Variants in THADA observed in about 807,000 individuals in gnomAD.
The protein encoded by THADA is tRNA (32-2'-O)-methyltransferase regulator THADA.
In THADA, 213 loss-of-function variants were observed where a neutral mutation model predicts 219.8. The observed-to-expected ratio is 0.97, with a 90% CI of 0.87 to 1.09. THADA has a LOEUF of 1.09. THADA is among the 50% of genes least tolerant of loss of function. The pLI, the probability that THADA is intolerant of heterozygous loss-of-function variation, is 0.00. For missense variants in THADA, 2,956 were observed against 2,311.3 expected, an observed-to-expected ratio of 1.28 and a Z score of -5.72; for synonymous variants, 1,018 against 828.9, an observed-to-expected ratio of 1.23 and a Z score of -3.92.
rs144193705 is a variant in THADA at position 43,358,960 on chromosome 2, A to C, written c.4228-14723T>G. On this transcript the variant is annotated intron_variant, in intron 29 of 37. Transcript: ENST00000405975. Reference sequence around the variant, plus strand: ...CAAAGTGGCTGTTTATAAGGGAAAAAATGATTCCTCTAAGCCCCTAGGAAT... The same window carrying C: ...CAAAGTGGCTGTTTATAAGGGAAAACATGATTCCTCTAAGCCCCTAGGAAT... Among the ~76,000 whole-genome samples the C allele has an allele frequency of 5.6e-3, 847 of 152,312 alleles. 7 individuals carry two copies. Among genetic ancestry groups the C allele is most frequent in the African/African-American group, 0.019 (775 of 41,574 alleles).
chr2:43,349,763 A>T (rs186279391), intron 29 of THADA, among the ~76,000 whole-genome samples: 98 of 152,272 alleles, frequency 6.4e-4, no homozygotes, highest in African/African-American at 2.3e-3. Flanking sequence ...AATCATTAAA[A>T]ACCTCAAATT....
At chr2:43,363,117 T>C (rs1669716612) in intron 29 of THADA, among the ~76,000 whole-genome samples, 1 of 152,178 alleles carries the variant, frequency 6.6e-6, no homozygotes, top group East Asian at 1.9e-4. Context: ...ATGATAACAA[T>C]GCCTAAATCA....
At chr2:43,242,678 A>G (rs375178552) in intron 36 of THADA, among the ~76,000 whole-genome samples, 3 of 152,258 alleles carry the variant, frequency 2.0e-5, no homozygotes, top group Admixed American at 1.3e-4. Context: ...TGGTAGAGAC[A>G]GGGTTTCACC....
chr2:43,467,075 G>T (rs570832745), intron 26 of THADA, among the ~76,000 whole-genome samples: 17 of 150,754 alleles, frequency 1.1e-4, no homozygotes, highest in African/African-American at 3.7e-4. Context: ...CCAGCTACTC[G>T]GGAGGCTGAG....
chr2:43,495,482 G>A (rs1477926678), intron 25 of THADA, among the ~76,000 whole-genome samples: 1 of 152,056 alleles, frequency 6.6e-6, no homozygotes, highest in African/African-American at 2.4e-5. Flanking sequence ...TAAAAAAAGA[G>A]AAAGAAAATG....
Position 43,574,728 on chromosome 2 carries a change from C to T in THADA, c.1337G>A (p.Arg446Gln), listed in dbSNP as rs748153743. Residue 446 changes from arginine to glutamine, a missense_variant, in exon 11 of 38, where the codon CGA becomes CAA. Arg to Gln is a conservative substitution (Grantham distance 43). Coordinates refer to ENST00000405975, the MANE Select transcript of THADA (RefSeq NM_022065.5). ...CTTTCCTTTAATATGCCATTCCAAT[C>T]GTAAAAGACTCTCAGTCAATTCCAC... ...FFVELTESLL[R>Q]LEWHIKGKYT... 2.6e-5 allele frequency: 42 copies of T among 1,613,984 alleles called. No individual in the cohort carries two copies. The highest frequency in any genetic ancestry group is 8.3e-5 in the Admixed American group (5 of 60,016).
intron 19 of THADA, among the ~76,000 whole-genome samples, chr2:43,550,427 C>A (rs1696617143): frequency 6.6e-6 from 1 of 152,054 alleles, no homozygotes; most frequent in African/African-American, 2.4e-5. Context: ...CCAAAAGAAA[C>A]CACGCAAAGA....
chr2:43,562,768 G>C (rs1698223548), intron 15 of THADA: 2 of 152,110 alleles, frequency 1.3e-5, no homozygotes, highest in Admixed American at 6.5e-5. Flanking sequence ...TTATAGGTCT[G>C]CTCACATTTT....
chr2:43,354,882 A>C (rs1045456822), intron 29 of THADA, among the ~76,000 whole-genome samples: 1 of 152,156 alleles, frequency 6.6e-6, no homozygotes, highest in African/African-American at 2.4e-5. Flanking sequence ...CTCATGATAG[A>C]GAGTGAGTTC....
At chr2:43,334,547 T>C (rs1208783476) in intron 30 of THADA, among the ~76,000 whole-genome samples, 4 of 152,154 alleles carry the variant, frequency 2.6e-5, no homozygotes, top group African/African-American at 9.7e-5. Flanking sequence ...AGAGCCTGTT[T>C]TTCTCACCAG....
At chr2:43,521,320 C>G (rs1322177160) in intron 22 of THADA, among the ~76,000 whole-genome samples, 1 of 151,982 alleles carries the variant, frequency 6.6e-6, no homozygotes, top group African/African-American at 2.4e-5. Flanking sequence ...TTTGGGAGGC[C>G]GAGGCAGGTG....
At chr2:43,395,608 A>G (rs1453286453) in intron 29 of THADA, among the ~76,000 whole-genome samples, 1 of 152,224 alleles carries the variant, frequency 6.6e-6, no homozygotes, top group Non-Finnish European at 1.5e-5. Context: ...TGATGCCAAG[A>G]AAATAGTTTC....
chr2:43,364,540 CG>C (rs1669908869), intron 29 of THADA, among the ~76,000 whole-genome samples: 1 of 152,174 alleles, frequency 6.6e-6, no homozygotes, highest in South Asian at 2.1e-4. Flanking sequence ...CCAATGCCCC[CG>C]TGGAGAAAAA....
chr2:43,572,742 G>C, intron 12 of THADA, 72 bp downstream of exon 12: 3 of 1,356,108 alleles, frequency 2.2e-6, no homozygotes, highest in Non-Finnish European at 2.0e-6. Context: ...ACAATGTAGG[G>C]GCCTCTATAT....
intron 29 of THADA, among the ~76,000 whole-genome samples, chr2:43,368,647 C>G (rs1670451665): frequency 6.6e-6 from 1 of 151,886 alleles, no homozygotes; most frequent in Non-Finnish European, 1.5e-5. Flanking sequence ...ATCCTCTTGT[C>G]TCAGGCTCCC....
Position 43,560,215 on chromosome 2 carries a change from AC to A in THADA, c.2463+18del. ...GTTTCCATGCATATACCACATTTAT[AC>A]TAGAAAAGTCCTGATACCTGAAAAT... On this transcript the variant is annotated intron_variant, in intron 16 of 37. Coordinates refer to ENST00000405975, the MANE Select transcript of THADA (RefSeq NM_022065.5). 1 of 1,602,628 alleles carries A rather than the reference AC, an allele frequency of 6.2e-7. No homozygotes were observed. The highest frequency in any genetic ancestry group is 8.5e-7 in the Non-Finnish European group (1 of 1,174,874).
chr2:43,499,205 T>G (rs1688628724), intron 24 of THADA, among the ~76,000 whole-genome samples: 1 of 152,184 alleles, frequency 6.6e-6, no homozygotes, highest in South Asian at 2.1e-4. Flanking sequence ...AGCCTGCACC[T>G]AAAATACAGA....
At chr2:43,484,533 C>T (rs183815057) in intron 26 of THADA, 2 of 169,098 alleles carry the variant, frequency 1.2e-5, no homozygotes, top group East Asian at 1.9e-4. Context: ...ATTAGATTAC[C>T]ATTAAATCCT....
At chr2:43,579,276 T>C (rs1700166165) in intron 8 of THADA, among the ~76,000 whole-genome samples, 1 of 152,166 alleles carries the variant, frequency 6.6e-6, no homozygotes, top group African/African-American at 2.4e-5. Flanking sequence ...CCTCCACCAA[T>C]GCCTCTGTAT....
Sources: gnomAD v4.1 joint callset for allele counts (sites outside exome capture counted in the v4.1 genomes callset) on GRCh38, gnomAD v4.1.1 for gene constraint, MANE v1.5 for transcripts, NCBI Gene and HGNC (gene_info 2026-07-23, HGNC 2026-07-21) for gene names.